Variants in FAM136A observed in about 807,000 individuals in gnomAD.
The protein encoded by FAM136A is TIM double twin CX3C motif protein.
Under a neutral mutation model 21.6 loss-of-function variants are expected in FAM136A, and 25 were observed. The observed-to-expected ratio is 1.16, with a 90% CI of 0.84 to 1.62. The LOEUF (loss-of-function observed/expected upper bound fraction) is 1.62, where lower values mean the gene tolerates loss of function less well. Ranked by LOEUF, FAM136A falls within the 40% of genes most tolerant of loss-of-function variation. The pLI is 0.00. For missense variants in FAM136A, 338 were observed against 332.0 expected, an observed-to-expected ratio of 1.02 and a Z score of -0.14; for synonymous variants, 119 against 129.4, an observed-to-expected ratio of 0.92 and a Z score of 0.55.
In FAM136A at chr2:70,301,642, C is replaced by T; in HGVS notation, c.370G>A (p.Ala124Thr). 1 of 1,535,586 alleles carries T rather than the reference C, an allele frequency of 6.5e-7. No individual in the cohort carries two copies. Among genetic ancestry groups the T allele is most frequent in the Non-Finnish European group, 8.7e-7 (1 of 1,146,612 alleles). ...CGCGTAAGAGGGGAAGGTGGTGGGG[C>T]GAGCGCCTGCCACCAGGGGCTTCCC... ...QVGSPWWQALAPPPSPLTRPL... is the reference protein window; with the variant it reads ...QVGSPWWQALTPPPSPLTRPL... The change falls in exon 1 of 3, where the codon GCC (alanine) becomes ACC (threonine). Residue 124 changes from alanine to threonine, a missense_variant. Ala to Thr is a moderately conservative substitution (Grantham distance 58). Coordinates refer to ENST00000430566, the MANE Select transcript of FAM136A (RefSeq NM_001329752.2).
rs142320110 is a variant in FAM136A at position 70,300,866 on chromosome 2, C to A, written c.523G>T (p.Val175Phe). ...HVPLAQAQAL[V>F]TSELEKFQDR... ...TGGAACTTCTCCAGCTCACTGGTGA[C>A]CAAAGCCTGGGCTTGAGCCAGAGGC... Residue 175 changes from valine to phenylalanine, a missense_variant, in exon 2 of 3, where the codon GTC becomes TTC. Val to Phe is a conservative substitution (Grantham distance 50). Transcript: ENST00000430566. 176 of 1,612,550 alleles carry A rather than the reference C, an allele frequency of 1.1e-4. No individual in the cohort carries two copies. Among genetic ancestry groups the A allele is most frequent in the Non-Finnish European group, 7.6e-6 (9 of 1,178,776 alleles).
chr2:70,298,181 C>T (rs1414238618), intron 2 of FAM136A, among the ~76,000 whole-genome samples: 4 of 152,116 alleles, frequency 2.6e-5, no homozygotes, highest in Admixed American at 2.6e-4. Context: ...CAACCTCCAC[C>T]TCCCGGGTTC....
chr2:70,301,247 C>T, intron 1 of FAM136A: 1 of 955,320 alleles, frequency 1.0e-6, no homozygotes, highest in Non-Finnish European at 1.5e-6. Flanking sequence ...GAGGTTCGCC[C>T]GAGTGGGTGA....
intron 2 of FAM136A, among the ~76,000 whole-genome samples, chr2:70,299,894 C>T (rs1697346681): frequency 6.6e-6 from 1 of 150,754 alleles, no homozygotes. Flanking sequence ...GCCACCGTGC[C>T]TGAACATTAT....
chr2:70,298,959 A>G (rs1049217990), intron 2 of FAM136A, among the ~76,000 whole-genome samples: 1 of 152,220 alleles, frequency 6.6e-6, no homozygotes, highest in Non-Finnish European at 1.5e-5. Context: ...GTTCTGGCCC[A>G]GTGAAGAGTG....
Position 70,297,133 on chromosome 2 carries a change from A to C in FAM136A, c.*156T>G. 1 of 706,204 alleles carries C rather than the reference A, an allele frequency of 1.4e-6. No individual in the cohort carries two copies. The highest frequency in any genetic ancestry group is 2.3e-6 in the Non-Finnish European group (1 of 440,192). 43.7% of individuals were successfully genotyped at this position (706,204 alleles called of 1,614,324 possible). On this transcript the variant is annotated 3_prime_UTR_variant, in exon 3 of 3. Transcript: ENST00000430566. ...TTCATTTTTTAGGGACTGAAACATA[A>C]AATAACCAGTGTCCAGAGGCAAGTG...
chr2:70,301,479 C>G, intron 1 of FAM136A, 125 bp downstream of exon 1: 4 of 1,535,640 alleles, frequency 2.6e-6, no homozygotes, highest in Non-Finnish European at 2.6e-6. Flanking sequence ...TAGAAACCCG[C>G]GCTGTGTGAA....
Position 70,301,851 on chromosome 2 carries a change from G to A in FAM136A, c.161C>T (p.Ala54Val), listed in dbSNP as rs111492861. 4.1e-4 allele frequency: 635 copies of A among 1,552,748 alleles called. 2 individuals carry two copies. In the African/African-American group the frequency reaches 8.0e-3, roughly 19 times the overall value. ...GGACGCGGCTGCAGTGCAAGGCGTC[G>A]CGTGGTGGCTGAGGGAAGGGCCCGG... ...WVPGPSLSHH[A>V]TPCTAAASPQ... is the part of the protein sequence containing the mutation. The change falls in exon 1 of 3, where the codon GCG becomes GTG. Residue 54 changes from alanine (A) to valine (V), a missense_variant. By Grantham distance (64) the Ala-to-Val change is moderately conservative (BLOSUM62 0). Transcript: ENST00000430566.
rs1697243655 is a variant in FAM136A, at chr2:70,296,253, TC to T, written c.*1035del. 6.1e-6 allele frequency: 1 copy of T among 164,728 alleles called. No homozygotes were observed. Among genetic ancestry groups the T allele is most frequent in the South Asian group, 1.8e-4 (1 of 5,694 alleles). 10.2% of individuals were successfully genotyped at this position (164,728 alleles called of 1,614,324 possible). On this transcript the variant is annotated 3_prime_UTR_variant, in exon 3 of 3. Coordinates refer to ENST00000430566, the MANE Select transcript of FAM136A (RefSeq NM_001329752.2). Reference sequence around the variant, plus strand: ...CCTAGCCCAAGTTGCTTACTTTTTCTCCCTTGAATTTCCTGTTGCCAGGGGT... The same window carrying T: ...CCTAGCCCAAGTTGCTTACTTTTTCTCCTTGAATTTCCTGTTGCCAGGGGT...
At chr2:70,301,077 C>T in intron 1 of FAM136A, 97 bp from the exon 2 acceptor site, 1 of 1,376,818 alleles carries the variant, frequency 7.3e-7, no homozygotes, top group Non-Finnish European at 1.0e-6. Flanking sequence ...TGGATATTTG[C>T]ACCTCTCTCT....
In FAM136A at chr2:70,300,993, G is replaced by A. The variant is rs1168491405; in HGVS notation, c.409-13C>T. The stretch of plus-strand genomic sequence containing the variant: ...GGAACATGAGACCCTGGGGAGAAAG[G>A]GCAGAGAGGTTAGGTAGGAAAGTCT... On this transcript the variant is annotated splice_polypyrimidine_tract_variant and intron_variant, in intron 1 of 2. Transcript: ENST00000430566. The A allele has an allele frequency of 2.5e-6, 4 of 1,605,512 alleles. No individual in the cohort carries two copies. The Admixed American group carries it at 6.7e-5, about 27-fold the overall frequency.
intron 2 of FAM136A, 144 bp from the exon 3 acceptor site, chr2:70,297,621 GTTTTTTTTTTT>G (rs55803921): frequency 8.0e-6 from 2 of 250,572 alleles, no homozygotes; most frequent in East Asian, 7.9e-5. Context: ...GATTGGCCAA[GTTTTTTTTTTT>G]TTTTTTTTTT....
chr2:70,301,275 G>T, intron 1 of FAM136A: 2 of 1,219,272 alleles, frequency 1.6e-6, no homozygotes, highest in Non-Finnish European at 2.2e-6. Flanking sequence ...GTGGTCTGAC[G>T]AAGCCAAATT....
At position 70,301,798 on chromosome 2, in the gene FAM136A, C is replaced by T. The variant is rs1697413549; in HGVS notation, c.214G>A (p.Gly72Ser). The T allele has an allele frequency of 6.5e-7, 1 of 1,547,604 alleles. No individual in the cohort carries two copies. The highest frequency in any genetic ancestry group is 8.7e-7 in the Non-Finnish European group (1 of 1,145,658). ...SPQTGCGRPWGRRGGLGQDFG... is the reference protein window; with the variant it reads ...SPQTGCGRPWSRRGGLGQDFG... ...TCCTGTCCGAGGCCGCCCCGGCGAC[C>T]CCAGGGCCGCCCACACCCGGTCTGC... Residue 72 changes from glycine (G) to serine (S), a missense_variant, in exon 1 of 3, where the codon GGT becomes AGT. Gly to Ser is a moderately conservative substitution (Grantham distance 56). Coordinates refer to ENST00000430566, the MANE Select transcript of FAM136A (RefSeq NM_001329752.2).
chr2:70,301,680 G>C lies in FAM136A; in HGVS notation c.332C>G (p.Pro111Arg), dbSNP rs1239690138. ...SAPSSPGQER[P>R]RRQVGSPWWQ... is the part of the protein sequence containing the mutation. ...CCAGGGGCTTCCCACCTGCCGCCGA[G>C]GACGCTCCTGCCCCGGGCTGGAAGG... The change falls in exon 1 of 3, where the codon CCT (proline) becomes CGT (arginine). Residue 111 changes from proline (P) to arginine (R), a missense_variant. Physicochemically the swap from Pro to Arg is moderately radical, Grantham distance 103 (BLOSUM62 -2). Transcript: ENST00000430566. 2.0e-6 allele frequency: 3 copies of C among 1,535,058 alleles called. No homozygotes were observed. The African/African-American group carries it at 4.1e-5, about 21-fold the overall frequency.
At position 70,296,066 on chromosome 2, in the gene FAM136A, T is replaced by TAA. The variant is rs1339054285; in HGVS notation, c.*1222_*1223insTT. The TAA allele has an allele frequency of 2.0e-5, 3 of 152,496 alleles. No individual in the cohort carries two copies. The highest frequency in any genetic ancestry group is 4.4e-5 in the Non-Finnish European group (3 of 67,980). 9.4% of individuals were successfully genotyped at this position (152,496 alleles called of 1,614,324 possible). The stretch of plus-strand genomic sequence containing the variant: ...GAAACAGCAAACGGACAGGCTATAT[T>TAA]ATAATTTCAAGTAATAAGTTGGTGA... On this transcript the variant is annotated 3_prime_UTR_variant, in exon 3 of 3. Transcript: ENST00000430566.
chr2:70,301,087 T>G, intron 1 of FAM136A, 107 bp from the exon 2 acceptor site: 2 of 1,309,980 alleles, frequency 1.5e-6, no homozygotes, highest in Non-Finnish European at 2.1e-6. Flanking sequence ...CACCTCTCTC[T>G]CCACCTTCTG....
In FAM136A at chr2:70,297,259, C is replaced by T; in HGVS notation, c.*30G>A. On this transcript the variant is annotated 3_prime_UTR_variant, in exon 3 of 3. Transcript: ENST00000430566. ...TCCTTATAAAAAATATATTCTTGCC[C>T]TCAGCCCTGATGGCCACTGGCAAAT... 7 of 1,600,742 alleles carry T rather than the reference C, an allele frequency of 4.4e-6. No homozygotes were observed. Among genetic ancestry groups the T allele is most frequent in the Non-Finnish European group, 4.3e-6 (5 of 1,170,744 alleles).
chr2:70,297,176 G>C lies in FAM136A; in HGVS notation c.*113C>G. On this transcript the variant is annotated 3_prime_UTR_variant, in exon 3 of 3. Transcript: ENST00000430566. Reference sequence around the variant, plus strand: ...GGCAAGTGACATATGCCTTACGCTTGTGGCCATCCTTCATTTCTTCATTCG... The same window carrying C: ...GGCAAGTGACATATGCCTTACGCTTCTGGCCATCCTTCATTTCTTCATTCG... 1 of 1,083,452 alleles carries C rather than the reference G, an allele frequency of 9.2e-7. No individual in the cohort carries two copies. The highest frequency in any genetic ancestry group is 1.6e-5 in the South Asian group (1 of 61,678). The allele number at this position is 1,083,452 out of a possible 1,614,324, so 67.1% of individuals were successfully genotyped here.
Sources: allele counts gnomAD v4.1 joint callset (sites outside exome capture counted in the v4.1 genomes callset), GRCh38; gene constraint gnomAD v4.1.1; transcripts MANE v1.5; gene names NCBI Gene and HGNC (gene_info 2026-07-23, HGNC 2026-07-21).